Variants in CACNA1A observed in about 807,000 individuals in gnomAD.
CACNA1A encodes voltage-dependent P/Q-type calcium channel subunit alpha-1A.
Under a neutral mutation model 262.4 loss-of-function variants are expected in CACNA1A, and 57 were observed. The observed-to-expected ratio is 0.22, with a 90% confidence interval of 0.18 to 0.27. The LOEUF is 0.27. Ranked by LOEUF, CACNA1A falls within the 10% of genes least tolerant of loss-of-function variation. CACNA1A has a pLI of 1.00. For synonymous variants in CACNA1A, 1,431 were observed against 1,419.3 expected (o/e 1.01, Z -0.18); for missense variants, 2,526 against 3,562.8 (o/e 0.71, Z 7.41).
intron 3 of CACNA1A, among the ~76,000 whole-genome samples, chr19:13,450,179 T>G (rs2060890227): frequency 6.6e-6 from 1 of 151,726 alleles, no homozygotes; most frequent in Non-Finnish European, 1.5e-5. Context: ...GGTTGTGTTT[T>G]GATAGCAGGT....
intron 3 of CACNA1A, among the ~76,000 whole-genome samples, chr19:13,397,860 G>A (rs1314641980): frequency 6.6e-6 from 1 of 152,160 alleles, no homozygotes; most frequent in Non-Finnish European, 1.5e-5. Context: ...ATATCAAGAA[G>A]CATGGAGACT....
rs2057340909 is a variant in CACNA1A at position 13,283,678 on chromosome 19, G to A, written c.3693-282C>T. On this transcript the variant is annotated intron_variant, in intron 21 of 46. Coordinates refer to ENST00000360228, the MANE Select transcript of CACNA1A (RefSeq NM_001127222.2). ...TTGAAGTATCTTGATCCCCAAGCTA[G>A]GTTGAAGAAATACGGTCCTTAATTC... 10 of 297,148 alleles carry A rather than the reference G, an allele frequency of 3.4e-5. No homozygotes were observed. In the South Asian group the frequency reaches 6.7e-4, roughly 20 times the overall value. The allele number at this position is 297,148 out of a possible 1,614,324, so 18.4% of individuals were successfully genotyped here. A position where few individuals can be genotyped will look rare whatever the true frequency, so the allele number is the denominator to read the frequency against.
chr19:13,269,824 A>G (rs547994087), intron 24 of CACNA1A, among the ~76,000 whole-genome samples: 1 of 152,324 alleles, frequency 6.6e-6, no homozygotes, highest in Non-Finnish European at 1.5e-5. Flanking sequence ...AGGGGTGGAC[A>G]TCTTCAGAAG....
chr19:13,303,177 G>C (rs988573524), intron 17 of CACNA1A, among the ~76,000 whole-genome samples: 23 of 152,112 alleles, frequency 1.5e-4, no homozygotes, highest in Admixed American at 1.3e-3. Flanking sequence ...CTTGGCCCCA[G>C]CTCTGACTGG....
chr19:13,446,864 C>T (rs540232805), intron 3 of CACNA1A, among the ~76,000 whole-genome samples: 1 of 151,952 alleles, frequency 6.6e-6, no homozygotes, highest in East Asian at 1.9e-4. Flanking sequence ...GCTGGAATTC[C>T]AGGTGCTTGC....
chr19:13,227,596 A>C lies in CACNA1A; in HGVS notation c.5529-69T>G, dbSNP rs1600121509. On this transcript the variant is annotated intron_variant, in intron 36 of 46. Transcript: ENST00000360228. ...AACAAAACGGGAATGGGAACAGAGA[A>C]CCAAAGGAAGAGAGGTGGGGAGAAA... The C allele has an allele frequency of 5.0e-6, 4 of 792,598 alleles. No homozygotes were observed. The East Asian group carries it at 8.6e-5, about 17-fold the overall frequency. The allele number at this position is 792,598 out of a possible 1,614,324, so 49.1% of individuals were successfully genotyped here. A position where few individuals can be genotyped will look rare whatever the true frequency, so the allele number is the denominator to read the frequency against.
chr19:13,300,557 T>C lies in CACNA1A; in HGVS notation c.2272A>G (p.Ile758Val), dbSNP rs769193544. Reference protein sequence around the residue: ...VSPLSAANMSIAVKEQQKNQK... With the variant: ...VSPLSAANMSVAVKEQQKNQK... The stretch of plus-strand genomic sequence containing the variant: ...GGGATTAGGGGCACTTACACAGCTA[T>C]AGACATGTTGGCCGCGGACAGAGGA... The change falls in exon 18 of 47, where the codon ATA (isoleucine) becomes GTA (valine). Residue 758 changes from isoleucine (I) to valine (V), a missense_variant. By Grantham distance (29) the Ile-to-Val change is conservative. Around this residue, in one of 17 missense-constraint regions of CACNA1A, gnomAD observed 765 missense variants for 748.6 expected, o/e 1.02. Transcript: ENST00000360228. 2 of 1,611,402 alleles carry C rather than the reference T, an allele frequency of 1.2e-6. No individual in the cohort carries two copies. Among genetic ancestry groups the C allele is most frequent in the South Asian group, 1.1e-5 (1 of 91,036 alleles).
chr19:13,285,018 C>G (rs763148005), intron 21 of CACNA1A, 50 bp downstream of exon 21: 6 of 1,608,196 alleles, frequency 3.7e-6, no homozygotes. Context: ...CTTCCGCCAC[C>G]CTGGTGGGAG....
At chr19:13,223,320 A>G (rs560867344) in intron 38 of CACNA1A, among the ~76,000 whole-genome samples, 23 of 152,114 alleles carry the variant, frequency 1.5e-4, no homozygotes, top group Middle Eastern at 3.4e-3. Flanking sequence ...CATCCTCCCT[A>G]GTAGCTGGGA....
intron 1 of CACNA1A, among the ~76,000 whole-genome samples, chr19:13,490,727 AAGAAAG>A (rs1174138426): frequency 1.4e-5 from 2 of 139,800 alleles, no homozygotes; most frequent in Admixed American, 7.9e-5. Context: ...GAAAGAAAGA[AAGAAAG>A]AGAAAAGAAA....
chr19:13,211,715 ATGTGTGTG>A, intron 43 of CACNA1A: 1 of 246,300 alleles, frequency 4.1e-6, no homozygotes, highest in Non-Finnish European at 8.0e-6. Context: ...TATGTTGAGC[ATGTGTGTG>A]TGTGTTTGTG....
In CACNA1A at chr19:13,308,658, TC is replaced by T; in HGVS notation, c.1669-131del. ...CCTCCAAATGGAAGCCGGGTGAGGA[TC>T]CTTGACCCCCTCATTCATCCATTCA... On this transcript the variant is annotated intron_variant, in intron 12 of 46. Coordinates refer to ENST00000360228, the MANE Select transcript of CACNA1A (RefSeq NM_001127222.2). The surrounding 1 kb of genome is among the most constrained non-coding windows in gnomAD (Gnocchi z 4.2). 1 of 597,480 alleles carries T rather than the reference TC, an allele frequency of 1.7e-6. No homozygotes were observed. Among genetic ancestry groups the T allele is most frequent in the African/African-American group, 1.9e-5 (1 of 53,842 alleles). 37.0% of individuals were successfully genotyped at this position (597,480 alleles called of 1,614,324 possible).
intron 1 of CACNA1A, among the ~76,000 whole-genome samples, chr19:13,489,003 CTTTT>C (rs896790084): frequency 0.039 from 2,941 of 74,868 alleles, 55 homozygotes; most frequent in East Asian, 0.25. Flanking sequence ...CTTTTCTTTT[CTTTT>C]TTTTTTTTTT....
intron 31 of CACNA1A, among the ~76,000 whole-genome samples, chr19:13,237,318 T>C (rs1425831667): frequency 3.3e-5 from 5 of 152,078 alleles, no homozygotes; most frequent in African/African-American, 1.2e-4. Context: ...TCAGACTTGT[T>C]CTATGGGATT....
At chr19:13,355,651 C>T (rs1273381745) in intron 6 of CACNA1A, among the ~76,000 whole-genome samples, 1 of 152,074 alleles carries the variant, frequency 6.6e-6, no homozygotes, top group Non-Finnish European at 1.5e-5. Context: ...TAGGGGTTGT[C>T]CATGCAGGCC....
In CACNA1A at chr19:13,330,350, A is replaced by G. The variant is rs2058445968; in HGVS notation, c.1256-17T>C. 4 of 1,545,688 alleles carry G rather than the reference A, an allele frequency of 2.6e-6. No homozygotes were observed. The South Asian group carries it at 3.6e-5, about 14-fold the overall frequency. On this transcript the variant is annotated splice_polypyrimidine_tract_variant and intron_variant, in intron 9 of 46. Coordinates refer to ENST00000360228, the MANE Select transcript of CACNA1A (RefSeq NM_001127222.2). ...TCCGCAGAGCTCCAACAATGGAAACATGGCAAGAGAAAAAGACGTTACCCT... is the reference window on the plus strand; with the variant it reads ...TCCGCAGAGCTCCAACAATGGAAACGTGGCAAGAGAAAAAGACGTTACCCT...
intron 1 of CACNA1A, among the ~76,000 whole-genome samples, chr19:13,456,944 G>C (rs575622801): frequency 6.6e-6 from 1 of 152,104 alleles, no homozygotes; most frequent in African/African-American, 2.4e-5. Context: ...CCTCATGCTG[G>C]TGGGAATATA....
chr19:13,322,615 A>C (rs2058277990), intron 10 of CACNA1A, among the ~76,000 whole-genome samples: 1 of 150,534 alleles, frequency 6.6e-6, no homozygotes, highest in South Asian at 2.1e-4. Context: ...TTTTCTTGTA[A>C]GATGGAGTCT....
chr19:13,429,982 G>C (rs1472827099), intron 3 of CACNA1A, among the ~76,000 whole-genome samples: 1 of 124,100 alleles, frequency 8.1e-6, no homozygotes, highest in African/African-American at 3.0e-5. Flanking sequence ...GTGTGGAGTA[G>C]GGTGGGGGGA....
Sources: allele counts gnomAD v4.1 joint callset (sites outside exome capture counted in the v4.1 genomes callset), GRCh38; gene constraint gnomAD v4.1.1; regional missense constraint gnomAD v4.1.1; non-coding constraint Gnocchi (gnomAD v3.1); transcripts MANE v1.5; gene names NCBI Gene and HGNC (gene_info 2026-07-23, HGNC 2026-07-21).